ASTN1: variants seen among roughly 807,000 people sequenced by gnomAD.
ASTN1 encodes astrotactin-1.
ASTN1 carries 41 observed loss-of-function variants against 140.7 expected under a neutral mutation model. That is an observed-to-expected ratio of 0.29 (90% confidence interval 0.23 to 0.38). The LOEUF is 0.38. ASTN1 is among the 10% of genes least tolerant of loss of function. ASTN1 has a pLI of 1.00. For missense variants in ASTN1, 1,479 were observed against 1,678.8 expected (o/e 0.88, Z 2.08); for synonymous variants, 640 against 652.2 (o/e 0.98, Z 0.29).
intron 20 of ASTN1, among the ~76,000 whole-genome samples, chr1:176,877,255 A>G (rs1293326459): frequency 6.6e-6 from 1 of 152,250 alleles, no homozygotes; most frequent in East Asian, 1.9e-4. Context: ...GACATTGCAT[A>G]TATCACACTA....
chr1:177,143,526 G>A (rs1403796381), intron 1 of ASTN1, among the ~76,000 whole-genome samples: 3 of 152,128 alleles, frequency 2.0e-5, no homozygotes, highest in Non-Finnish European at 4.4e-5. Flanking sequence ...AGGGAAAGGA[G>A]GTAAGTTCTT....
intron 1 of ASTN1, among the ~76,000 whole-genome samples, chr1:177,138,660 A>G (rs1326956752): frequency 6.6e-6 from 1 of 152,160 alleles, no homozygotes; most frequent in Non-Finnish European, 1.5e-5. Flanking sequence ...AAGATTTAGA[A>G]GAGGTTTTGT....
chr1:177,006,744 C>T (rs533800028), intron 8 of ASTN1, among the ~76,000 whole-genome samples: 5 of 152,166 alleles, frequency 3.3e-5, no homozygotes, highest in South Asian at 4.1e-4. Flanking sequence ...CTCTTGGTGC[C>T]GTGACTGGAC....
chr1:176,876,272 G>A (rs918425318), intron 21 of ASTN1, among the ~76,000 whole-genome samples: 3 of 152,142 alleles, frequency 2.0e-5, no homozygotes, highest in Admixed American at 6.5e-5. Context: ...GCATACAATC[G>A]TGTATGCTAG....
chr1:176,867,916 T>A (rs1326529574), intron 22 of ASTN1, among the ~76,000 whole-genome samples: 1 of 132,826 alleles, frequency 7.5e-6, no homozygotes, highest in Non-Finnish European at 1.7e-5. Flanking sequence ...TTGATTTTCT[T>A]CATTTCCTTC....
At chr1:176,857,972 A>G (rs1394931154), downstream of ASTN1, among the ~76,000 whole-genome samples, 1 of 152,206 alleles carries the variant, frequency 6.6e-6, no homozygotes, top group East Asian at 1.9e-4. Context: ...GGGGCACTTG[A>G]CATTTGAATT....
chr1:176,876,913 G>A (rs1465159528), intron 20 of ASTN1, among the ~76,000 whole-genome samples: 1 of 152,090 alleles, frequency 6.6e-6, no homozygotes, highest in Non-Finnish European at 1.5e-5. Context: ...CTCAAAGTCG[G>A]GCCCCCAGAC....
At chr1:177,037,066 T>C (rs1400014831) in intron 2 of ASTN1, among the ~76,000 whole-genome samples, 1 of 152,154 alleles carries the variant, frequency 6.6e-6, no homozygotes, top group Non-Finnish European at 1.5e-5. Flanking sequence ...ATAATCCACT[T>C]GCCTCGGCCT....
intron 1 of ASTN1, among the ~76,000 whole-genome samples, chr1:177,149,258 ATATATATATAC>A (rs1682883513): frequency 5.1e-5 from 5 of 97,494 alleles, no homozygotes; most frequent in African/African-American, 2.3e-4. Flanking sequence ...TATATAGTAA[ATATATATATAC>A]TATATATAGT....
At chr1:177,149,863 T>C (rs1334576693) in intron 1 of ASTN1, among the ~76,000 whole-genome samples, 1 of 140,504 alleles carries the variant, frequency 7.1e-6, no homozygotes, top group Non-Finnish European at 1.5e-5. Flanking sequence ...ATATACATAG[T>C]AAATATATAT....
chr1:177,110,812 G>C (rs1230869992), intron 1 of ASTN1, among the ~76,000 whole-genome samples: 1 of 152,108 alleles, frequency 6.6e-6, no homozygotes, highest in Non-Finnish European at 1.5e-5. Context: ...GTTACACCAA[G>C]GTCCACTGTA....
chr1:177,028,361 T>G (rs1219626733), intron 5 of ASTN1, among the ~76,000 whole-genome samples: 2 of 152,146 alleles, frequency 1.3e-5, no homozygotes, highest in Non-Finnish European at 2.9e-5. Flanking sequence ...AACCTGGCCA[T>G]TCAATATTAG....
At chr1:177,041,069 C>A (rs867208658) in intron 2 of ASTN1, among the ~76,000 whole-genome samples, 16 of 152,226 alleles carry the variant, frequency 1.1e-4, no homozygotes, top group African/African-American at 3.9e-4. Flanking sequence ...TTTGCCTTAA[C>A]GAGAATGTTA....
At chr1:176,894,915 C>T in intron 16 of ASTN1, 85 bp from the exon 17 acceptor site, 1 of 1,552,758 alleles carries the variant, frequency 6.4e-7, no homozygotes, top group South Asian at 1.1e-5. Flanking sequence ...GTGCTGGGGT[C>T]CAATCTTTGG....
At chr1:177,144,291 C>T (rs1464793397) in intron 1 of ASTN1, among the ~76,000 whole-genome samples, 4 of 150,152 alleles carry the variant, frequency 2.7e-5, no homozygotes, top group East Asian at 2.0e-4. Flanking sequence ...CTTGCTCTAT[C>T]GCCCAGGCTG....
At chr1:176,988,317 G>GA (rs386368806) in intron 8 of ASTN1, among the ~76,000 whole-genome samples, 1,634 of 139,928 alleles carry the variant, frequency 0.012, 28 homozygotes, top group African/African-American at 0.033. Context: ...GATATATTGG[G>GA]AAAAAAAAAA....
intron 1 of ASTN1, among the ~76,000 whole-genome samples, chr1:177,113,487 G>T (rs1012375304): frequency 1.4e-4 from 22 of 152,198 alleles, no homozygotes; most frequent in African/African-American, 4.6e-4. Flanking sequence ...CCTTGGATTT[G>T]TTATCCTCCT....
At chr1:177,112,367 G>T (rs765859840) in intron 1 of ASTN1, among the ~76,000 whole-genome samples, 1 of 152,170 alleles carries the variant, frequency 6.6e-6, no homozygotes, top group East Asian at 1.9e-4. Flanking sequence ...AGGACCTCTC[G>T]CTCCTATCCG....
chr1:176,872,629 T>A (rs1187069771), intron 21 of ASTN1, among the ~76,000 whole-genome samples: 2 of 152,090 alleles, frequency 1.3e-5, no homozygotes, highest in African/African-American at 4.8e-5. Flanking sequence ...CCCATTCCAA[T>A]CCCAGGCAGA....
Sources: gnomAD v4.1 joint callset for allele counts (sites outside exome capture counted in the v4.1 genomes callset) on GRCh38, gnomAD v4.1.1 for gene constraint, MANE v1.5 for transcripts, NCBI Gene and HGNC (gene_info 2026-07-23, HGNC 2026-07-21) for gene names.